Variants in SNAP29 observed in about 807,000 individuals in gnomAD.
SNAP29 encodes synaptosome associated protein 29.
Under a neutral mutation model 27.9 loss-of-function variants are expected in SNAP29, and 13 were observed. The ratio of observed to expected loss-of-function variants is 0.47; its 90% CI spans 0.30 to 0.74. The LOEUF (loss-of-function observed/expected upper bound fraction) is 0.74, where lower values mean the gene tolerates loss of function less well. Among genes scored for constraint, SNAP29 ranks in the 30% least tolerant of loss-of-function variants. SNAP29 has a pLI of 0.06. For missense variants in SNAP29, 368 were observed against 336.5 expected (o/e 1.09, Z -0.73); for synonymous variants, 119 against 127.1 (o/e 0.94, Z 0.43).
chr22:20,877,866 T>A (rs1283468985), intron 2 of SNAP29, among the ~76,000 whole-genome samples: 1 of 152,144 alleles, frequency 6.6e-6, no homozygotes, highest in African/African-American at 2.4e-5. Context: ...GGCTGAAAGG[T>A]GGCCAGGCAG....
rs1239445054 is a variant in SNAP29, at chr22:20,870,637, AC to A, written c.434+107del. ...GTCAGTGCCATGAAGGGATCCAACA[AC>A]CCTTTAAGTTACTCATCAGGGGATA... On this transcript the variant is annotated intron_variant, in intron 2 of 4. Transcript: ENST00000215730. 1.9e-5 allele frequency: 20 copies of A among 1,035,678 alleles called. No homozygotes were observed. In the South Asian group the frequency reaches 2.4e-4, roughly 13 times the overall value. 64.2% of individuals were successfully genotyped at this position (1,035,678 alleles called of 1,614,324 possible). A position where few individuals can be genotyped will look rare whatever the true frequency, so the allele number is the denominator to read the frequency against.
At chr22:20,886,380 T>C (rs1929016106) in intron 4 of SNAP29, among the ~76,000 whole-genome samples, 1 of 152,148 alleles carries the variant, frequency 6.6e-6, no homozygotes, top group African/African-American at 2.4e-5. Flanking sequence ...CAATCTCAGC[T>C]CACTGCAGCC....
intron 1 of SNAP29, among the ~76,000 whole-genome samples, chr22:20,860,962 A>T (rs1014660625): frequency 6.6e-6 from 1 of 151,354 alleles, no homozygotes; most frequent in African/African-American, 2.4e-5. Flanking sequence ...GCTTGAGCCC[A>T]GGATGTCAAG....
intron 2 of SNAP29, among the ~76,000 whole-genome samples, chr22:20,880,651 G>A (rs1928868714): frequency 1.3e-5 from 2 of 152,126 alleles, no homozygotes; most frequent in Admixed American, 1.3e-4. Flanking sequence ...TAGGAATCCA[G>A]GTTTCCCTGA....
In SNAP29 at chr22:20,889,826, C is replaced by T. The variant is rs1929107107; in HGVS notation, c.*1990C>T. Reference sequence around the variant, plus strand: ...CACTGCCACATTCTCAGCAGACTTCCACTTGCCTAATGAGATTAGTGATTC... The same window carrying T: ...CACTGCCACATTCTCAGCAGACTTCTACTTGCCTAATGAGATTAGTGATTC... On this transcript the variant is annotated 3_prime_UTR_variant, in exon 5 of 5. Coordinates refer to ENST00000215730, the MANE Select transcript of SNAP29 (RefSeq NM_004782.4). The T allele has an allele frequency of 6.5e-6, 1 of 154,480 alleles. No individual in the cohort carries two copies. The highest frequency in any genetic ancestry group is 1.4e-5 in the Non-Finnish European group (1 of 69,646). The allele number at this position is 154,480 out of a possible 1,614,324, so 9.6% of individuals were successfully genotyped here.
intron 1 of SNAP29, among the ~76,000 whole-genome samples, chr22:20,860,778 G>A (rs1928292962): frequency 6.6e-6 from 1 of 152,192 alleles, no homozygotes; most frequent in African/African-American, 2.4e-5. Flanking sequence ...AGCCAGGCGC[G>A]GTTGTACTTC....
chr22:20,878,880 G>C (rs1288615951), intron 2 of SNAP29, among the ~76,000 whole-genome samples: 2 of 152,188 alleles, frequency 1.3e-5, no homozygotes, highest in Non-Finnish European at 2.9e-5. Context: ...ATGACTTTGA[G>C]TTGCAAGAGC....
Position 20,859,479 on chromosome 22 carries a change from G to T in SNAP29, c.237+132G>T, listed in dbSNP as rs1035897345. The T allele has an allele frequency of 2.7e-5, 20 of 736,056 alleles. No individual in the cohort carries two copies. The African/African-American group carries it at 3.4e-4, about 13-fold the overall frequency. 45.6% of individuals were successfully genotyped at this position (736,056 alleles called of 1,614,324 possible). A position where few individuals can be genotyped will look rare whatever the true frequency, so the allele number is the denominator to read the frequency against. ...ATAGATTCTTGCACCTTAGTGACTCGATGGTGGTAACAATCTGTTAACTAT... is the reference window on the plus strand; with the variant it reads ...ATAGATTCTTGCACCTTAGTGACTCTATGGTGGTAACAATCTGTTAACTAT... On this transcript the variant is annotated intron_variant, in intron 1 of 4. Transcript: ENST00000215730.
intron 4 of SNAP29, among the ~76,000 whole-genome samples, chr22:20,884,765 T>G (rs79807820): frequency 0.011 from 1,555 of 144,552 alleles, 20 homozygotes; most frequent in African/African-American, 0.038. Context: ...ACTTAGTGAT[T>G]ATGTTTTGTT....
chr22:20,872,511 C>T (rs1928618542), intron 2 of SNAP29, among the ~76,000 whole-genome samples: 1 of 152,062 alleles, frequency 6.6e-6, no homozygotes, highest in African/African-American at 2.4e-5. Context: ...TGCCGTTCTC[C>T]TGCCTCAGCC....
At position 20,859,484 on chromosome 22, in the gene SNAP29, TG is replaced by T. The variant is rs1928173687; in HGVS notation, c.237+139del. 1.2e-5 allele frequency: 9 copies of T among 722,994 alleles called. No homozygotes were observed. In the East Asian group the frequency reaches 2.3e-4, roughly 18 times the overall value. 44.8% of individuals were successfully genotyped at this position (722,994 alleles called of 1,614,324 possible). A position where few individuals can be genotyped will look rare whatever the true frequency, so the allele number is the denominator to read the frequency against. On this transcript the variant is annotated intron_variant, in intron 1 of 4. Transcript: ENST00000215730. ...TTCTTGCACCTTAGTGACTCGATGG[TG>T]GTAACAATCTGTTAACTATGTAAAG... is the stretch of plus-strand genomic sequence containing the variant.
At chr22:20,860,704 T>G (rs566220769) in intron 1 of SNAP29, among the ~76,000 whole-genome samples, 21 of 152,192 alleles carry the variant, frequency 1.4e-4, no homozygotes, top group African/African-American at 5.1e-4. Flanking sequence ...ACAGTCTCTC[T>G]TCAGCCTGCT....
At chr22:20,886,050 C>T (rs1929007025) in intron 4 of SNAP29, among the ~76,000 whole-genome samples, 1 of 152,056 alleles carries the variant, frequency 6.6e-6, no homozygotes, top group Admixed American at 6.6e-5. Context: ...AGGCTCTGCT[C>T]TCCATGGAGC....
At chr22:20,883,215 G>A (rs1928928838) in intron 3 of SNAP29, among the ~76,000 whole-genome samples, 1 of 152,096 alleles carries the variant, frequency 6.6e-6, no homozygotes, top group Non-Finnish European at 1.5e-5. Context: ...CCAGGAGTTA[G>A]GTGACCCTTA....
chr22:20,878,792 C>T (rs2147869687), intron 2 of SNAP29, among the ~76,000 whole-genome samples: 1 of 152,188 alleles, frequency 6.6e-6, no homozygotes, highest in Non-Finnish European at 1.5e-5. Context: ...AGGCACAGCT[C>T]CCAGCTGGAG....
rs361854 is a variant in SNAP29 at position 20,874,349 on chromosome 22, CCACACACACACACACACACACACA to C, written c.434+3840_434+3863del. Among the ~76,000 whole-genome samples the C allele has an allele frequency of 1.0e-3, 126 of 123,570 alleles. 1 individual carries two copies. The East Asian group carries it at 0.024, about 24-fold the overall frequency. 81.1% of individuals were successfully genotyped at this position (123,570 alleles called of 152,430 possible). A position where few individuals can be genotyped will look rare whatever the true frequency, so the allele number is the denominator to read the frequency against. ...ACACACACACACACACGAAAATTAG[CCACACACACACACACACACACACA>C]CACACACACACACACACACACACGA... On this transcript the variant is annotated intron_variant, in intron 2 of 4. Coordinates refer to ENST00000215730, the MANE Select transcript of SNAP29 (RefSeq NM_004782.4).
intron 2 of SNAP29, among the ~76,000 whole-genome samples, chr22:20,878,180 G>T (rs1257549780): frequency 6.6e-6 from 1 of 152,160 alleles, no homozygotes; most frequent in South Asian, 2.1e-4. Context: ...AGCACCCATG[G>T]GGAGTAAGGA....
chr22:20,874,796 T>A (rs570550434), intron 2 of SNAP29, among the ~76,000 whole-genome samples: 1 of 150,074 alleles, frequency 6.7e-6, no homozygotes, highest in Non-Finnish European at 1.5e-5. Context: ...TTTTTTGTTG[T>A]TTTTTTTTCA....
chr22:20,887,688 C>T lies in SNAP29; in HGVS notation c.629C>T (p.Ser210Phe), dbSNP rs141934766. 215 of 1,614,160 alleles carry T rather than the reference C, an allele frequency of 1.3e-4. No individual in the cohort carries two copies. In the African/African-American group the frequency reaches 2.6e-3, roughly 20 times the overall value. Reference sequence around the variant, plus strand: ...TTTCCTCCTCCTGCAGATGAGCTGTCCATGGGACTGGGTCGTCTGAAGGAC... The same window carrying T: ...TTTCCTCCTCCTGCAGATGAGCTGTTCATGGGACTGGGTCGTCTGAAGGAC... ...QKIDSNLDEL[S>F]MGLGRLKDIA... is the part of the protein sequence containing the mutation. The change falls in exon 5 of 5, where the codon TCC (serine) becomes TTC (phenylalanine). Residue 210 changes from serine to phenylalanine, a missense_variant. By Grantham distance (155) the Ser-to-Phe change is radical. Coordinates refer to ENST00000215730, the MANE Select transcript of SNAP29 (RefSeq NM_004782.4).
Sources: allele counts gnomAD v4.1 joint callset (sites outside exome capture counted in the v4.1 genomes callset), GRCh38; gene constraint gnomAD v4.1.1; transcripts MANE v1.5; gene names NCBI Gene and HGNC (gene_info 2026-07-23, HGNC 2026-07-21).